The following NUS1 variants were observed in gnomAD, a reference collection of about 807,000 sequenced individuals.
The protein encoded by NUS1 is dehydrodolichyl diphosphate synthase complex subunit NUS1.
For missense variants in NUS1, 292 were observed against 382.9 expected, an observed-to-expected ratio of 0.76 and a Z score of 1.98; for synonymous variants, 135 against 155.2, an observed-to-expected ratio of 0.87 and a Z score of 0.97.
At chr6:117,705,142 A>G (rs747599153) in intron 4 of NUS1, among the ~76,000 whole-genome samples, 2 of 152,178 alleles carry the variant, frequency 1.3e-5, no homozygotes, top group Non-Finnish European at 2.9e-5. Flanking sequence ...TTTTATAGAT[A>G]AGGAAAATAG....
At chr6:117,691,548 C>CATAT (rs1271587047) in intron 1 of NUS1, among the ~76,000 whole-genome samples, 2 of 57,138 alleles carry the variant, frequency 3.5e-5, no homozygotes, top group African/African-American at 5.7e-5. Flanking sequence ...GGTTCTGTGC[C>CATAT]ATAGATATAG....
At chr6:117,699,195 A>C (rs1023002922) in intron 3 of NUS1, among the ~76,000 whole-genome samples, 1 of 152,162 alleles carries the variant, frequency 6.6e-6, no homozygotes, top group Non-Finnish European at 1.5e-5. Context: ...CAGATTGGAA[A>C]GGAAGAAGTC....
At chr6:117,698,042 T>C (rs1773346848) in intron 3 of NUS1, among the ~76,000 whole-genome samples, 1 of 152,014 alleles carries the variant, frequency 6.6e-6, no homozygotes, top group African/African-American at 2.4e-5. Context: ...CTAATCAGTA[T>C]GCTCCTGGAT....
In NUS1 at chr6:117,675,519, C is replaced by G. The variant is rs1332204596; in HGVS notation, c.-152C>G. 3.0e-5 allele frequency: 21 copies of G among 688,904 alleles called. No homozygotes were observed. Among genetic ancestry groups the G allele is most frequent in the African/African-American group, 1.2e-4 (6 of 48,904 alleles). 42.7% of individuals were successfully genotyped at this position (688,904 alleles called of 1,614,324 possible). ...GGGAGGAGGAAGATGGCGGCGGGGG[C>G]GAGGTGAGGTGTTGGCAGTGGAAAG... On this transcript the variant is annotated 5_prime_UTR_variant, in exon 1 of 5. Coordinates refer to ENST00000368494, the MANE Select transcript of NUS1 (RefSeq NM_138459.5).
intron 1 of NUS1, among the ~76,000 whole-genome samples, chr6:117,677,568 G>A (rs1773002489): frequency 6.6e-6 from 1 of 152,208 alleles, no homozygotes; most frequent in African/African-American, 2.4e-5. Flanking sequence ...TTGTCAGATT[G>A]GTAAATTTAA....
rs1411507301 is a variant in NUS1 at position 117,681,088 on chromosome 6, C to A, written c.415+5003C>A. On this transcript the variant is annotated intron_variant, in intron 1 of 4. Coordinates refer to ENST00000368494, the MANE Select transcript of NUS1 (RefSeq NM_138459.5). ...CCTTTTTCTGGCAAATGGCTGTATG[C>A]CTACCAAGAGGCTATTGTTCATCTT... Among the ~76,000 whole-genome samples, 6 of 152,168 alleles carry A rather than the reference C, an allele frequency of 3.9e-5. No individual in the cohort carries two copies. In the East Asian group the frequency reaches 1.2e-3, roughly 29 times the overall value.
intron 4 of NUS1, 56 bp from the exon 5 acceptor site, chr6:117,706,869 C>T (rs1773508070): frequency 5.2e-6 from 7 of 1,358,570 alleles, no homozygotes; most frequent in Non-Finnish European, 7.4e-6. Context: ...TTCTGGTTCC[C>T]CCCTACATTA....
intron 3 of NUS1, among the ~76,000 whole-genome samples, chr6:117,701,940 A>C (rs543212430): frequency 6.6e-6 from 1 of 152,146 alleles, no homozygotes; most frequent in African/African-American, 2.4e-5. Context: ...AGATACCTTA[A>C]ATTTGTAAGG....
rs751156157 is a variant in NUS1, at chr6:117,693,032, T to C, written c.416-10T>C. On this transcript the variant is annotated splice_polypyrimidine_tract_variant and intron_variant, in intron 1 of 4. Transcript: ENST00000368494. ...TAGTTGTGTTTTACTTGCCTTTTTC[T>C]TTTTTAAAGGTATTTTCAAAAGAAA... 1.0e-5 allele frequency: 16 copies of C among 1,597,572 alleles called. No homozygotes were observed. Among genetic ancestry groups the C allele is most frequent in the Admixed American group, 1.7e-5 (1 of 59,196 alleles).
intron 3 of NUS1, among the ~76,000 whole-genome samples, chr6:117,698,653 C>G (rs1773354969): frequency 6.6e-6 from 1 of 152,066 alleles, no homozygotes; most frequent in Non-Finnish European, 1.5e-5. Context: ...GGAGGGAATG[C>G]TTACAGATTC....
rs764639190 is a variant in NUS1, at chr6:117,675,845, C to T, written c.175C>T (p.Pro59Ser). The change falls in exon 1 of 5, where the codon CCC becomes TCC. Residue 59 changes from proline (P) to serine (S), a missense_variant. By Grantham distance (74) the Pro-to-Ser change is moderately conservative (BLOSUM62 -1). Coordinates refer to ENST00000368494, the MANE Select transcript of NUS1 (RefSeq NM_138459.5). ...GCCGCTCGGCTTCACGCTCCGCAAG[C>T]CCCCGGCAGTCGGCAGGAACCGCCG... is the stretch of plus-strand genomic sequence containing the variant. ...LAPLGFTLRKPPAVGRNRRHH... is the reference protein window; with the variant it reads ...LAPLGFTLRKSPAVGRNRRHH... 1.2e-5 allele frequency: 18 copies of T among 1,540,574 alleles called. No homozygotes were observed. The highest frequency in any genetic ancestry group is 2.7e-5 in the African/African-American group (2 of 72,810).
chr6:117,684,527 T>C (rs964906147), intron 1 of NUS1, among the ~76,000 whole-genome samples: 3 of 152,232 alleles, frequency 2.0e-5, no homozygotes, highest in African/African-American at 7.2e-5. Context: ...TAATCCATTC[T>C]TCACCTACCA....
At chr6:117,702,307 G>T (rs1485392323) in intron 3 of NUS1, among the ~76,000 whole-genome samples, 1 of 152,120 alleles carries the variant, frequency 6.6e-6, no homozygotes, top group Non-Finnish European at 1.5e-5. Context: ...GTTCCAGATT[G>T]AGTCCGTATC....
chr6:117,707,373 G>C lies in NUS1; in HGVS notation c.*358G>C. On this transcript the variant is annotated 3_prime_UTR_variant, in exon 5 of 5. Coordinates refer to ENST00000368494, the MANE Select transcript of NUS1 (RefSeq NM_138459.5). ...TATTTTTGTGGGGAGAAGAGGGCCT[G>C]ATTAGAACTGTTCTGGTTGTGTTTG... The C allele has an allele frequency of 4.3e-6, 1 of 230,364 alleles. No individual in the cohort carries two copies. The highest frequency in any genetic ancestry group is 5.0e-5 in the Admixed American group (1 of 19,942). 14.3% of individuals were successfully genotyped at this position (230,364 alleles called of 1,614,324 possible).
chr6:117,693,927 A>G, intron 2 of NUS1, 104 bp from the exon 3 acceptor site: 1 of 1,260,772 alleles, frequency 7.9e-7, no homozygotes, highest in East Asian at 2.5e-5. Flanking sequence ...TTACTGTAAG[A>G]ACTGTATGTT....
chr6:117,710,416 A>C lies in NUS1; in HGVS notation c.*3401A>C, dbSNP rs1265370621. 1 of 152,156 alleles carries C rather than the reference A, an allele frequency of 6.6e-6. No individual in the cohort carries two copies. The highest frequency in any genetic ancestry group is 1.5e-5 in the Non-Finnish European group (1 of 67,984). 9.4% of individuals were successfully genotyped at this position (152,156 alleles called of 1,614,324 possible). ...CAAGATCCTAACTGGTGGGACATAA[A>C]CTATGATGCAATGGATAGGAAAAGG... On this transcript the variant is annotated 3_prime_UTR_variant, in exon 5 of 5. Coordinates refer to ENST00000368494, the MANE Select transcript of NUS1 (RefSeq NM_138459.5).
At position 117,699,138 on chromosome 6, in the gene NUS1, C is replaced by T. The variant is rs78845922; in HGVS notation, c.692-4467C>T. On this transcript the variant is annotated intron_variant, in intron 3 of 4. Coordinates refer to ENST00000368494, the MANE Select transcript of NUS1 (RefSeq NM_138459.5). ...CCACTGTTATTTAGCATAGCACTGG[C>T]GGTCCTAGCTAGAGCAATTAGACCA... Among the ~76,000 whole-genome samples the T allele has an allele frequency of 8.0e-3, 1,222 of 152,142 alleles. 48 individuals are homozygous for T. In the East Asian group the frequency reaches 0.12, roughly 15 times the overall value.
rs1486491157 is a variant in NUS1 at position 117,675,596 on chromosome 6, G to T, written c.-75G>T. The T allele has an allele frequency of 1.5e-5, 21 of 1,423,106 alleles. No individual in the cohort carries two copies. Among genetic ancestry groups the T allele is most frequent in the Non-Finnish European group, 1.9e-6 (2 of 1,051,868 alleles). 88.2% of individuals were successfully genotyped at this position (1,423,106 alleles called of 1,614,324 possible). A position where few individuals can be genotyped will look rare whatever the true frequency, so the allele number is the denominator to read the frequency against. ...CGCGGAGCGATGGCCCGCGCCGGCCGCAGGGGCGGATAAAAAGCCGTCGCG... is the reference window on the plus strand; with the variant it reads ...CGCGGAGCGATGGCCCGCGCCGGCCTCAGGGGCGGATAAAAAGCCGTCGCG... On this transcript the variant is annotated 5_prime_UTR_variant, in exon 1 of 5. Coordinates refer to ENST00000368494, the MANE Select transcript of NUS1 (RefSeq NM_138459.5).
chr6:117,698,016 T>C (rs964979865), intron 3 of NUS1, among the ~76,000 whole-genome samples: 1 of 152,008 alleles, frequency 6.6e-6, no homozygotes, highest in Non-Finnish European at 1.5e-5. Flanking sequence ...TTGGAAACTA[T>C]ACAAACACCT....
Sources: gnomAD v4.1 joint callset for allele counts (sites outside exome capture counted in the v4.1 genomes callset) on GRCh38, gnomAD v4.1.1 for gene constraint, MANE v1.5 for transcripts, NCBI Gene and HGNC (gene_info 2026-07-23, HGNC 2026-07-21) for gene names.